PDGFC: variants seen among roughly 807,000 people sequenced by gnomAD.
PDGFC encodes platelet-derived growth factor C.
In PDGFC, 12 loss-of-function variants were observed where a neutral mutation model predicts 35.5. The observed-to-expected ratio is 0.34, with a 90% confidence interval of 0.22 to 0.55. PDGFC has a LOEUF of 0.55. Among genes scored for constraint, PDGFC ranks in the 20% least tolerant of loss-of-function variants. The pLI is 0.91. For missense variants in PDGFC, 322 were observed against 412.4 expected (o/e 0.78, Z 1.90); for synonymous variants, 159 against 148.8 (o/e 1.07, Z -0.50).
intron 1 of PDGFC, among the ~76,000 whole-genome samples, chr4:156,899,170 A>G (rs1056035023): frequency 2.0e-5 from 3 of 152,254 alleles, no homozygotes; most frequent in African/African-American, 7.2e-5. Flanking sequence ...CAGAAAAATT[A>G]AAAGTTCCAA....
intron 1 of PDGFC, among the ~76,000 whole-genome samples, chr4:156,945,114 T>A (rs373431897): frequency 6.6e-6 from 1 of 151,814 alleles, no homozygotes; most frequent in Admixed American, 6.6e-5. Flanking sequence ...ACCAATAGTT[T>A]ACTTATTTAT....
chr4:156,958,785 G>A (rs924427859), intron 1 of PDGFC, among the ~76,000 whole-genome samples: 2 of 152,070 alleles, frequency 1.3e-5, no homozygotes, highest in African/African-American at 2.4e-5. Flanking sequence ...TTCAGAGAAG[G>A]TAAATTAATA....
intron 1 of PDGFC, among the ~76,000 whole-genome samples, chr4:156,872,008 A>C (rs1421388280): frequency 6.6e-6 from 1 of 152,122 alleles, no homozygotes; most frequent in Non-Finnish European, 1.5e-5. Flanking sequence ...AATTTTAAGG[A>C]AAACAAATTA....
chr4:156,924,696 T>C (rs1318893174), intron 1 of PDGFC, among the ~76,000 whole-genome samples: 1 of 152,326 alleles, frequency 6.6e-6, no homozygotes, highest in Admixed American at 6.5e-5. Flanking sequence ...CAACCACCAT[T>C]GTGAGCAACT....
chr4:156,785,633 A>G (rs1731102278), intron 3 of PDGFC, among the ~76,000 whole-genome samples: 1 of 152,224 alleles, frequency 6.6e-6, no homozygotes, highest in Admixed American at 6.5e-5. Context: ...GGGGTGACTG[A>G]ACAGCATTGT....
chr4:156,780,313 C>T (rs1730944281), intron 3 of PDGFC, among the ~76,000 whole-genome samples: 1 of 151,934 alleles, frequency 6.6e-6, no homozygotes, highest in South Asian at 2.1e-4. Context: ...CAGTGATGAA[C>T]TTCCAATGAA....
In PDGFC at chr4:156,918,869, C is replaced by T. The variant is rs376259711; in HGVS notation, c.118+51917G>A. ...AAATAAGCTCTCAAAAATGGTATCA[C>T]CCAATTTCCCAAAAAGAACTTGCTT... On this transcript the variant is annotated intron_variant, in intron 1 of 5. Coordinates refer to ENST00000502773, the MANE Select transcript of PDGFC (RefSeq NM_016205.3). Among the ~76,000 whole-genome samples, 63 of 152,226 alleles carry T rather than the reference C, an allele frequency of 4.1e-4. 1 individual carries two copies. Among genetic ancestry groups the T allele is most frequent in the Admixed American group, 5.9e-4 (9 of 15,276 alleles).
chr4:156,928,257 G>A (rs1010638399), intron 1 of PDGFC, among the ~76,000 whole-genome samples: 11 of 152,002 alleles, frequency 7.2e-5, no homozygotes, highest in South Asian at 4.2e-4. Context: ...TTATCTATCC[G>A]TCTATGTGAT....
At chr4:156,892,725 T>C (rs1000825150) in intron 1 of PDGFC, among the ~76,000 whole-genome samples, 5 of 152,206 alleles carry the variant, frequency 3.3e-5, no homozygotes, top group Admixed American at 3.3e-4. Flanking sequence ...AGGATTTTGG[T>C]TGGATTTATA....
At chr4:156,797,039 C>T (rs1731461913) in intron 3 of PDGFC, among the ~76,000 whole-genome samples, 1 of 151,746 alleles carries the variant, frequency 6.6e-6, no homozygotes. Flanking sequence ...AGATTGAGAC[C>T]ATCTTGGCTA....
intron 2 of PDGFC, 119 bp downstream of exon 2, chr4:156,850,102 T>C (rs556980458): frequency 1.9e-6 from 1 of 527,472 alleles, no homozygotes; most frequent in African/African-American, 1.9e-5. Flanking sequence ...TGGAAATTTC[T>C]TAGATCATCA....
At chr4:156,893,990 C>G (rs1366609656) in intron 1 of PDGFC, among the ~76,000 whole-genome samples, 1 of 152,110 alleles carries the variant, frequency 6.6e-6, no homozygotes, top group African/African-American at 2.4e-5. Flanking sequence ...AGTTCACAAC[C>G]ATGTATCATT....
intron 1 of PDGFC, among the ~76,000 whole-genome samples, chr4:156,933,366 G>A (rs570809214): frequency 3.9e-4 from 59 of 152,246 alleles, no homozygotes; most frequent in Non-Finnish European, 7.8e-4. Context: ...TTTTGTGGTC[G>A]TTGGCAGACA....
At chr4:156,931,480 G>A (rs555398414) in intron 1 of PDGFC, among the ~76,000 whole-genome samples, 25 of 152,128 alleles carry the variant, frequency 1.6e-4, no homozygotes, top group Non-Finnish European at 3.2e-4. Flanking sequence ...GCTGGCCTGT[G>A]GGGGAGGTGA....
chr4:156,817,825 A>G (rs969190884), intron 2 of PDGFC, among the ~76,000 whole-genome samples: 1 of 151,898 alleles, frequency 6.6e-6, no homozygotes, highest in African/African-American at 2.4e-5. Context: ...TTGGGAGGCC[A>G]AGGTGGGCAG....
chr4:156,844,091 C>T (rs1298869398), intron 2 of PDGFC, among the ~76,000 whole-genome samples: 2 of 152,182 alleles, frequency 1.3e-5, no homozygotes, highest in African/African-American at 4.8e-5. Context: ...TCTAGTTTAG[C>T]TTTTCTTCCT....
intron 2 of PDGFC, among the ~76,000 whole-genome samples, chr4:156,833,154 T>G (rs1728985201): frequency 6.6e-6 from 1 of 152,250 alleles, no homozygotes; most frequent in Non-Finnish European, 1.5e-5. Flanking sequence ...TTCAGACTTC[T>G]ACCTTTTGCA....
intron 3 of PDGFC, among the ~76,000 whole-genome samples, chr4:156,775,023 T>G (rs1730791678): frequency 1.3e-5 from 2 of 152,150 alleles, no homozygotes; most frequent in Admixed American, 6.5e-5. Flanking sequence ...TCTAATTATT[T>G]TATGATATTT....
At chr4:156,835,220 G>T (rs533087531) in intron 2 of PDGFC, among the ~76,000 whole-genome samples, 1 of 152,126 alleles carries the variant, frequency 6.6e-6, no homozygotes, top group Admixed American at 6.5e-5. Context: ...AAATGCAAAT[G>T]AAAATCATGA....
Sources: allele counts gnomAD v4.1 joint callset (sites outside exome capture counted in the v4.1 genomes callset), GRCh38; gene constraint gnomAD v4.1.1; transcripts MANE v1.5; gene names NCBI Gene and HGNC (gene_info 2026-07-23, HGNC 2026-07-21).